The following OTUB2 variants were observed in gnomAD, a reference collection of about 807,000 sequenced individuals.
The protein encoded by OTUB2 is ubiquitin thioesterase OTUB2.
A neutral mutation model predicts 25.1 loss-of-function variants in OTUB2; 21 were observed. The observed-to-expected ratio is 0.84, with a 90% CI of 0.59 to 1.21. OTUB2 has a LOEUF of 1.21. OTUB2 is among the 50% of genes most tolerant of loss of function. OTUB2 has a pLI of 0.00. For missense variants in OTUB2, 283 were observed against 298.0 expected (o/e 0.95, Z 0.37); for synonymous variants, 122 against 122.8 (o/e 0.99, Z 0.04).
intron 2 of OTUB2, among the ~76,000 whole-genome samples, chr14:94,038,689 G>A (rs1376836370): frequency 6.6e-6 from 1 of 152,182 alleles, no homozygotes. Context: ...CACCCAGCCA[G>A]GCACTCCTGT....
chr14:94,039,414 T>A (rs1885117229), intron 3 of OTUB2: 1 of 308,220 alleles, frequency 3.2e-6, no homozygotes, highest in African/African-American at 2.2e-5. Flanking sequence ...AAAAAGAAGC[T>A]TTGCCCCGGT....
intron 5 of OTUB2, among the ~76,000 whole-genome samples, chr14:94,045,167 A>T (rs1413190329): frequency 6.6e-6 from 1 of 152,198 alleles, no homozygotes; most frequent in African/African-American, 2.4e-5. Flanking sequence ...GAAAGTAAGA[A>T]GTACAGCCCC....
At chr14:94,039,469 C>T (rs1885118203) in intron 3 of OTUB2, 1 of 206,994 alleles carries the variant, frequency 4.8e-6, no homozygotes, top group South Asian at 9.0e-5. Context: ...TGTGTGTGAC[C>T]CAGGCATTCA....
At chr14:94,039,150 G>A in intron 3 of OTUB2, 69 bp downstream of exon 3, 1 of 1,278,614 alleles carries the variant, frequency 7.8e-7, no homozygotes, top group Admixed American at 1.9e-5. Context: ...AAGTCTCTCG[G>A]AGGTTTTCGT....
At position 94,033,713 on chromosome 14, in the gene OTUB2, G is replaced by C. The variant is rs968089263; in HGVS notation, c.4-3667G>C. Among the ~76,000 whole-genome samples the C allele has an allele frequency of 1.3e-4, 20 of 152,234 alleles. 1 individual carries two copies. The highest frequency in any genetic ancestry group is 1.5e-5 in the Non-Finnish European group (1 of 68,048). ...GAATGAAGTCAGAGGGTGCGTGAGT[G>C]GGAACGAATTGGGCAGAGCAGGTGC... On this transcript the variant is annotated intron_variant, in intron 1 of 5. Coordinates refer to ENST00000203664, the MANE Select transcript of OTUB2 (RefSeq NM_023112.4).
At chr14:94,037,662 A>G (rs144569264) in intron 2 of OTUB2, among the ~76,000 whole-genome samples, 187 bp downstream of exon 2, 1 of 140,320 alleles carries the variant, frequency 7.1e-6, no homozygotes, top group Admixed American at 7.7e-5. Context: ...AAAAAAAAAA[A>G]GGATTTTTTT....
Position 94,044,053 on chromosome 14 carries a change from G to A in OTUB2, c.301G>A (p.Ala101Thr), listed in dbSNP as rs1595368939. The change falls in exon 4 of 6, where the codon GCT becomes ACT. Residue 101 changes from alanine (A) to threonine (T), a missense_variant and splice_region_variant. Coordinates refer to ENST00000203664, the MANE Select transcript of OTUB2 (RefSeq NM_023112.4). ...EEHKFRNFFNAFYSVVELVEK... is the reference protein window; with the variant it reads ...EEHKFRNFFNTFYSVVELVEK... ...GCACAAGTTCAGAAACTTCTTCAATGCTGTGAGTTCACCTGGTCCCTCCTT... is the reference window on the plus strand; with the variant it reads ...GCACAAGTTCAGAAACTTCTTCAATACTGTGAGTTCACCTGGTCCCTCCTT... The A allele has an allele frequency of 1.2e-6, 2 of 1,613,950 alleles. No individual in the cohort carries two copies. Among genetic ancestry groups the A allele is most frequent in the East Asian group, 4.5e-5 (2 of 44,878 alleles).
At chr14:94,029,965 G>A (rs565227961) in intron 1 of OTUB2, among the ~76,000 whole-genome samples, 91 of 152,354 alleles carry the variant, frequency 6.0e-4, no homozygotes, top group Admixed American at 2.7e-3. Context: ...AAGAATCCAG[G>A]TCAAAGGAGC....
chr14:94,048,375 C>CA lies in OTUB2; in HGVS notation c.*2454dup, dbSNP rs1414507481. 1.3e-5 allele frequency: 2 copies of CA among 152,234 alleles called. No individual in the cohort carries two copies. Among genetic ancestry groups the CA allele is most frequent in the African/African-American group, 4.8e-5 (2 of 41,464 alleles). The allele number at this position is 152,234 out of a possible 1,614,324, so 9.4% of individuals were successfully genotyped here. A position where few individuals can be genotyped will look rare whatever the true frequency, so the allele number is the denominator to read the frequency against. ...GGAACAATTAGCAACAGAAAGAGCA[C>CA]AGTCCCTGCTTTTGACTGGGTTCCT... On this transcript the variant is annotated 3_prime_UTR_variant, in exon 6 of 6. Coordinates refer to ENST00000203664, the MANE Select transcript of OTUB2 (RefSeq NM_023112.4).
chr14:94,030,265 G>T (rs1884934511), intron 1 of OTUB2, among the ~76,000 whole-genome samples: 1 of 152,038 alleles, frequency 6.6e-6, no homozygotes, highest in South Asian at 2.1e-4. Context: ...CCAATGGGGA[G>T]GTCGGGGAGA....
intron 1 of OTUB2, among the ~76,000 whole-genome samples, chr14:94,030,461 C>A (rs779360412): frequency 6.6e-6 from 1 of 151,852 alleles, no homozygotes; most frequent in Non-Finnish European, 1.5e-5. Context: ...AGGTCAGGCC[C>A]GGAGAGGAAG....
At chr14:94,029,752 C>G (rs1030349904) in intron 1 of OTUB2, among the ~76,000 whole-genome samples, 2 of 152,224 alleles carry the variant, frequency 1.3e-5, no homozygotes, top group East Asian at 1.9e-4. Context: ...GTGCCAGGCA[C>G]TGAGGAGCCA....
Position 94,045,987 on chromosome 14 carries a change from G to A in OTUB2, c.*65G>A, listed in dbSNP as rs1054467301. 121 of 1,542,492 alleles carry A rather than the reference G, an allele frequency of 7.8e-5. No homozygotes were observed. Among genetic ancestry groups the A allele is most frequent in the Non-Finnish European group, 1.0e-4 (112 of 1,123,550 alleles). ...GACTGCATTCTGAATGGAACATTCC[G>A]GCTCTTCAATTTTTTAAGCAATTTA... On this transcript the variant is annotated 3_prime_UTR_variant, in exon 6 of 6. Coordinates refer to ENST00000203664, the MANE Select transcript of OTUB2 (RefSeq NM_023112.4).
intron 2 of OTUB2, among the ~76,000 whole-genome samples, chr14:94,038,420 A>T (rs939484565): frequency 1.3e-5 from 2 of 152,156 alleles, no homozygotes; most frequent in Non-Finnish European, 2.9e-5. Flanking sequence ...GGGGAACAGG[A>T]ACTCCAAGAC....
chr14:94,026,514 C>T lies in OTUB2; in HGVS notation c.-24C>T. The T allele has an allele frequency of 7.8e-7, 1 of 1,285,686 alleles. No homozygotes were observed. The highest frequency in any genetic ancestry group is 1.6e-5 in the African/African-American group (1 of 63,922). 79.6% of individuals were successfully genotyped at this position (1,285,686 alleles called of 1,614,324 possible). A position where few individuals can be genotyped will look rare whatever the true frequency, so the allele number is the denominator to read the frequency against. On this transcript the variant is annotated 5_prime_UTR_variant, in exon 1 of 6. Coordinates refer to ENST00000203664, the MANE Select transcript of OTUB2 (RefSeq NM_023112.4). ...CGGATCGCTCCTCGCTGGGGCGGGA[C>T]CTGGCCTGGCGGCTCTGGTCACTAT...
Position 94,047,738 on chromosome 14 carries a change from C to G in OTUB2, c.*1816C>G, listed in dbSNP as rs1885308566. On this transcript the variant is annotated 3_prime_UTR_variant, in exon 6 of 6. Transcript: ENST00000203664. ...GCTCTGGGCCTTCCAGCTAGGCTCT[C>G]AAGCACAGCAGAAGCCTCACTGGGC... The G allele has an allele frequency of 6.6e-6, 1 of 152,226 alleles. No homozygotes were observed. Among genetic ancestry groups the G allele is most frequent in the South Asian group, 2.1e-4 (1 of 4,838 alleles). The allele number at this position is 152,226 out of a possible 1,614,324, so 9.4% of individuals were successfully genotyped here.
chr14:94,044,845 C>T (rs890035604), intron 5 of OTUB2, 65 bp downstream of exon 5: 3 of 1,482,578 alleles, frequency 2.0e-6, no homozygotes, highest in South Asian at 1.3e-5. Flanking sequence ...CTGCAGACTT[C>T]AGCACCCATC....
chr14:94,044,219 TCCC>T lies in OTUB2; in HGVS notation c.303+165_303+167del, dbSNP rs898405854. Among the ~76,000 whole-genome samples the T allele has an allele frequency of 2.0e-5, 3 of 152,056 alleles. 1 individual carries two copies. The highest frequency in any genetic ancestry group is 1.9e-4 in the East Asian group (1 of 5,180). ...TGGGCACAGGGAGCCCTCACCCTATTCCCTCACCCTATTCCATCTCCACCTCAT... is the reference window on the plus strand; with the variant it reads ...TGGGCACAGGGAGCCCTCACCCTATTTCACCCTATTCCATCTCCACCTCAT... On this transcript the variant is annotated intron_variant, in intron 4 of 5. Coordinates refer to ENST00000203664, the MANE Select transcript of OTUB2 (RefSeq NM_023112.4).
At chr14:94,037,680 A>G (rs1885083597) in intron 2 of OTUB2, among the ~76,000 whole-genome samples, 1 of 151,666 alleles carries the variant, frequency 6.6e-6, no homozygotes, top group Non-Finnish European at 1.5e-5. Flanking sequence ...TTTTTGTTGA[A>G]AAGTTTAGCA....
Sources: gnomAD v4.1 joint callset for allele counts (sites outside exome capture counted in the v4.1 genomes callset) on GRCh38, gnomAD v4.1.1 for gene constraint, MANE v1.5 for transcripts, NCBI Gene and HGNC (gene_info 2026-07-23, HGNC 2026-07-21) for gene names.